RBFOX3: variants seen among roughly 807,000 people sequenced by gnomAD.
The protein encoded by RBFOX3 is RNA binding fox-1 homolog 3, also known as RNA binding protein fox-1 homolog 3.
Under a neutral mutation model 48.7 loss-of-function variants are expected in RBFOX3, and 17 were observed. The ratio of observed to expected loss-of-function variants is 0.35; its 90% CI spans 0.24 to 0.52. The LOEUF is 0.52. Ranked by LOEUF, RBFOX3 falls within the 20% of genes least tolerant of loss-of-function variation. The pLI, the probability that RBFOX3 is intolerant of heterozygous loss-of-function variation, is 0.94. For synonymous variants in RBFOX3, 212 were observed against 209.5 expected, an observed-to-expected ratio of 1.01 and a Z score of -0.10; for missense variants, 382 against 497.5, an observed-to-expected ratio of 0.77 and a Z score of 2.21.
At chr17:79,192,767 G>A (rs2054782538) in intron 4 of RBFOX3, among the ~76,000 whole-genome samples, 1 of 152,222 alleles carries the variant, frequency 6.6e-6, no homozygotes, top group African/African-American at 2.4e-5. Flanking sequence ...ACGGGTGTCA[G>A]TGAACTCTCT....
chr17:79,378,322 C>T (rs1026041932), intron 2 of RBFOX3, among the ~76,000 whole-genome samples: 6 of 152,208 alleles, frequency 3.9e-5, no homozygotes, highest in Non-Finnish European at 7.3e-5. Context: ...GAGCAGCTGA[C>T]TCCCTTTCTG....
In RBFOX3 at chr17:79,299,133, A is replaced by T. The variant is rs556878639; in HGVS notation, c.-74+8591T>A. On this transcript the variant is annotated intron_variant, in intron 3 of 14. Transcript: ENST00000693108. The surrounding 1 kb of genome is among the most constrained non-coding windows in gnomAD (Gnocchi z 4.5). Reference sequence around the variant, plus strand: ...GAAATGAACTAATAAATAAGAGGCCAGGTGTGGTATCTCGGTGCTGGCAAA... The same window carrying T: ...GAAATGAACTAATAAATAAGAGGCCTGGTGTGGTATCTCGGTGCTGGCAAA... 7.6e-6 allele frequency among the ~76,000 whole-genome samples: 1 copy of T among 132,322 alleles called. No individual in the cohort carries two copies. The highest frequency in any genetic ancestry group is 2.9e-5 in the African/African-American group (1 of 34,398). The allele number at this position is 132,322 out of a possible 152,430, so 86.8% of individuals were successfully genotyped here.
chr17:79,499,318 T>TCATCCATCCA (rs1387217518), intron 1 of RBFOX3, among the ~76,000 whole-genome samples: 89 of 151,560 alleles, frequency 5.9e-4, no homozygotes, highest in African/African-American at 2.1e-3. Context: ...ATTCATGCAC[T>TCATCCATCCA]CATCCATCCA....
In RBFOX3 at chr17:79,549,531, T is replaced by C. The variant is rs192364246; in HGVS notation, c.-320+61295A>G. On this transcript the variant is annotated intron_variant, in intron 1 of 14. Coordinates refer to ENST00000693108, the MANE Select transcript of RBFOX3 (RefSeq NM_001350451.2). The stretch of plus-strand genomic sequence containing the variant: ...AGAGAACCAAAAACATCTTTAAGGA[T>C]CATAACAATGATTTGTGTCTGTGTC... 2.0e-5 allele frequency among the ~76,000 whole-genome samples: 3 copies of C among 152,310 alleles called. No individual in the cohort carries two copies. In the East Asian group the frequency reaches 5.8e-4, roughly 29 times the overall value.
intron 4 of RBFOX3, among the ~76,000 whole-genome samples, chr17:79,134,217 G>T (rs1480604735): frequency 6.6e-6 from 1 of 152,200 alleles, no homozygotes; most frequent in Non-Finnish European, 1.5e-5. Flanking sequence ...GGCTTCAAAT[G>T]AACATTTGCA....
chr17:79,620,639 G>A, the RBFOX3 span, among the ~76,000 whole-genome samples: 3 of 20,068 alleles, frequency 1.5e-4, no homozygotes, highest in East Asian at 6.6e-3. Context: ...ACACGCACAC[G>A]CACACACACG....
the RBFOX3 span, among the ~76,000 whole-genome samples, chr17:79,642,650 A>G: frequency 1.3e-5 from 2 of 152,348 alleles, no homozygotes; most frequent in Middle Eastern, 3.4e-3. Context: ...GATAAAGTAA[A>G]AAGTACAGCA....
At chr17:79,566,277 G>A (rs1356179386) in intron 1 of RBFOX3, among the ~76,000 whole-genome samples, 1 of 152,164 alleles carries the variant, frequency 6.6e-6, no homozygotes, top group Non-Finnish European at 1.5e-5. Context: ...AGCACGTCTT[G>A]CCATAGTCCC....
intron 4 of RBFOX3, among the ~76,000 whole-genome samples, chr17:79,182,316 C>G (rs932265119): frequency 1.3e-5 from 2 of 152,164 alleles, no homozygotes; most frequent in African/African-American, 4.8e-5. Flanking sequence ...ACAAGGCAGA[C>G]GCCACAGCGC....
intron 2 of RBFOX3, among the ~76,000 whole-genome samples, chr17:79,457,078 A>C (rs2074621784): frequency 6.6e-6 from 1 of 152,220 alleles, no homozygotes; most frequent in South Asian, 2.1e-4. Context: ...AGGTGTAGAC[A>C]GGCAGGGTGA....
intron 2 of RBFOX3, among the ~76,000 whole-genome samples, chr17:79,400,641 G>GA (rs71161668): frequency 0.89 from 135,509 of 152,242 alleles, 60,463 homozygotes; most frequent in Middle Eastern, 0.96. Context: ...ATTAACCACA[G>GA]TTTTAAGAAT....
Position 79,111,073 on chromosome 17 carries a change from A to T in RBFOX3, c.223-4285T>A, listed in dbSNP as rs1346503144. On this transcript the variant is annotated intron_variant, in intron 5 of 14. Coordinates refer to ENST00000693108, the MANE Select transcript of RBFOX3 (RefSeq NM_001350451.2). The surrounding 1 kb of genome is among the most constrained non-coding windows in gnomAD (Gnocchi z 4.2). ...CTGTAGTTATAGATGAGGTGGTCCA[A>T]ATGGAAGATCAGGGCAAGTGCGGGA... Among the ~76,000 whole-genome samples the T allele has an allele frequency of 1.3e-5, 2 of 152,220 alleles. No homozygotes were observed. The highest frequency in any genetic ancestry group is 4.8e-5 in the African/African-American group (2 of 41,470).
At chr17:79,279,592 T>A (rs1415936824) in intron 3 of RBFOX3, among the ~76,000 whole-genome samples, 1 of 152,224 alleles carries the variant, frequency 6.6e-6, no homozygotes, top group Non-Finnish European at 1.5e-5. Flanking sequence ...CAGTTGTTTC[T>A]GGTCACCCTG....
chr17:79,095,637 G>T, intron 12 of RBFOX3, 63 bp from the exon 13 acceptor site: 2 of 1,414,370 alleles, frequency 1.4e-6, no homozygotes, highest in Non-Finnish European at 2.0e-6. Flanking sequence ...GGGAAAGGCT[G>T]AGTGGGGAGA....
At chr17:79,654,443 T>C in the RBFOX3 span, among the ~76,000 whole-genome samples, 1 of 152,214 alleles carries the variant, frequency 6.6e-6, no homozygotes, top group South Asian at 2.1e-4. Context: ...TAGAAAAGGT[T>C]ACCTTGGCTG....
At chr17:79,312,885 G>A (rs1181179847) in intron 2 of RBFOX3, among the ~76,000 whole-genome samples, 1 of 152,182 alleles carries the variant, frequency 6.6e-6, no homozygotes, top group African/African-American at 2.4e-5. Context: ...GGAGAGAAAG[G>A]ACAGGCAGCT....
chr17:79,223,551 G>C (rs999801099), intron 4 of RBFOX3, among the ~76,000 whole-genome samples: 2 of 152,188 alleles, frequency 1.3e-5, no homozygotes, highest in Non-Finnish European at 2.9e-5. Context: ...ATGGAAACCC[G>C]ACCCTGCACT....
At chr17:79,218,504 G>A (rs992778485) in intron 4 of RBFOX3, among the ~76,000 whole-genome samples, 1 of 152,204 alleles carries the variant, frequency 6.6e-6, no homozygotes, top group African/African-American at 2.4e-5. Context: ...GCCGAGCGTG[G>A]CTGAGGACAG....
At chr17:79,213,518 C>A (rs1038077990) in intron 4 of RBFOX3, among the ~76,000 whole-genome samples, 6 of 152,238 alleles carry the variant, frequency 3.9e-5, no homozygotes, top group Non-Finnish European at 8.8e-5. Flanking sequence ...TGGCCTCCCA[C>A]CCCGCCAACC....
Sources: gnomAD v4.1 joint callset for allele counts (sites outside exome capture counted in the v4.1 genomes callset) on GRCh38, gnomAD v4.1.1 for gene constraint, Gnocchi (gnomAD v3.1) non-coding constraint, MANE v1.5 for transcripts, NCBI Gene and HGNC (gene_info 2026-07-23, HGNC 2026-07-21) for gene names.